Variants in VDAC1 observed in about 807,000 individuals in gnomAD.
The protein encoded by VDAC1 is voltage dependent anion channel 1.
VDAC1 carries 10 observed loss-of-function variants against 34.7 expected under a neutral mutation model. The ratio of observed to expected loss-of-function variants is 0.29; its 90% CI spans 0.18 to 0.49. The LOEUF (loss-of-function observed/expected upper bound fraction) is 0.49. Ranked by LOEUF, VDAC1 falls within the 20% of genes least tolerant of loss-of-function variation. The pLI, the probability that VDAC1 is intolerant of heterozygous loss-of-function variation, is 0.99. For missense variants in VDAC1, 230 were observed against 347.9 expected, an observed-to-expected ratio of 0.66 and a Z score of 2.69; for synonymous variants, 130 against 136.0, an observed-to-expected ratio of 0.96 and a Z score of 0.30.
At chr5:134,099,465 T>C in the VDAC1 span, among the ~76,000 whole-genome samples, 1 of 152,208 alleles carries the variant, frequency 6.6e-6, no homozygotes, top group Non-Finnish European at 1.5e-5. Context: ...CTGACCAGCC[T>C]GGCGCAGTCC....
chr5:134,042,976 G>A, the VDAC1 span, among the ~76,000 whole-genome samples: 1 of 152,236 alleles, frequency 6.6e-6, no homozygotes, highest in Non-Finnish European at 1.5e-5. Context: ...TGGGAGACAG[G>A]CTGGTGGAAA....
chr5:134,055,588 GTTTTTTTTTT>G, the VDAC1 span, among the ~76,000 whole-genome samples: 492 of 59,604 alleles, frequency 8.3e-3, 4 homozygotes, highest in African/African-American at 0.031. Flanking sequence ...CCCCGCTAAT[GTTTTTTTTTT>G]TTTTTTTTTT....
chr5:134,043,087 G>T, the VDAC1 span, among the ~76,000 whole-genome samples: 6 of 152,240 alleles, frequency 3.9e-5, no homozygotes, highest in Non-Finnish European at 4.4e-5. Flanking sequence ...CCTGCCAAGA[G>T]CCTCAGTGAA....
the VDAC1 span, chr5:134,082,066 G>C: frequency 6.5e-6 from 1 of 154,656 alleles, no homozygotes; most frequent in Non-Finnish European, 1.4e-5. Context: ...GGGTAGGGAG[G>C]GCATGAAGGG....
At chr5:134,072,546 A>C in the VDAC1 span, among the ~76,000 whole-genome samples, 1 of 152,190 alleles carries the variant, frequency 6.6e-6, no homozygotes, top group Non-Finnish European at 1.5e-5. Flanking sequence ...GGGGGAAAGG[A>C]CCAGGAGTTC....
chr5:133,993,630 G>A (rs1753188815), intron 1 of VDAC1, among the ~76,000 whole-genome samples: 2 of 152,168 alleles, frequency 1.3e-5, no homozygotes, highest in African/African-American at 4.8e-5. Context: ...AACCAGTTTG[G>A]CAGCTCTTCA....
chr5:134,032,567 T>G, the VDAC1 span, among the ~76,000 whole-genome samples: 1 of 152,110 alleles, frequency 6.6e-6, no homozygotes, highest in Non-Finnish European at 1.5e-5. Flanking sequence ...TGTCCATGCA[T>G]GGAAGAATGG....
chr5:134,022,067 C>T, the VDAC1 span, among the ~76,000 whole-genome samples: 5 of 151,884 alleles, frequency 3.3e-5, no homozygotes, highest in Non-Finnish European at 5.9e-5. Flanking sequence ...TTAGTAGAGA[C>T]GGGGTTTCTC....
chr5:134,001,301 T>C (rs1376659308), intron 1 of VDAC1, among the ~76,000 whole-genome samples: 1 of 152,110 alleles, frequency 6.6e-6, no homozygotes, highest in South Asian at 2.1e-4. Flanking sequence ...AAACACACTA[T>C]CTCTCTCCCA....
intron 1 of VDAC1, among the ~76,000 whole-genome samples, chr5:134,000,724 C>G (rs1753517304): frequency 6.6e-6 from 1 of 152,030 alleles, no homozygotes; most frequent in Admixed American, 6.6e-5. Context: ...GATGGCGTCA[C>G]TGTGAGGACT....
At chr5:133,997,707 CAAAAAAAA>C (rs67591375) in intron 1 of VDAC1, among the ~76,000 whole-genome samples, 3 of 58,358 alleles carry the variant, frequency 5.1e-5, no homozygotes, top group Admixed American at 2.4e-4. Flanking sequence ...GACTGTCTCA[CAAAAAAAA>C]AAAAAAAAAA....
chr5:134,008,166 G>A (rs1283407273), upstream of VDAC1, among the ~76,000 whole-genome samples: 1 of 73,778 alleles, frequency 1.4e-5, no homozygotes, highest in Non-Finnish European at 2.8e-5. Context: ...CCCGATCCCC[G>A]CCCCGCAGGG....
chr5:134,016,118 T>G, the VDAC1 span, among the ~76,000 whole-genome samples: 1 of 152,156 alleles, frequency 6.6e-6, no homozygotes, highest in Non-Finnish European at 1.5e-5. Context: ...CTCCAACTTT[T>G]AAAGGAGGCC....
the VDAC1 span, among the ~76,000 whole-genome samples, chr5:134,086,341 C>T: frequency 5.3e-5 from 8 of 152,296 alleles, no homozygotes; most frequent in East Asian, 9.7e-4. Flanking sequence ...GGGTAGGCAG[C>T]CCTTGGGAGA....
At chr5:134,047,353 G>A in the VDAC1 span, among the ~76,000 whole-genome samples, 1 of 152,088 alleles carries the variant, frequency 6.6e-6, no homozygotes, top group Non-Finnish European at 1.5e-5. Flanking sequence ...ACAGAGAGGG[G>A]GCCACTTCAG....
chr5:134,036,243 C>A, the VDAC1 span, among the ~76,000 whole-genome samples: 2 of 152,192 alleles, frequency 1.3e-5, no homozygotes, highest in Admixed American at 6.5e-5. Flanking sequence ...AAGTTAATAA[C>A]ACCTGAAAGG....
chr5:134,017,456 C>CA, the VDAC1 span, among the ~76,000 whole-genome samples: 287 of 151,444 alleles, frequency 1.9e-3, no homozygotes, highest in African/African-American at 6.6e-3. Flanking sequence ...AACTCCATCT[C>CA]AAAAAAAAGC....
chr5:134,049,822 T>C, the VDAC1 span, among the ~76,000 whole-genome samples: 26 of 152,202 alleles, frequency 1.7e-4, no homozygotes, highest in South Asian at 2.1e-3. Context: ...TTCAAGTGAT[T>C]GGCCCCACTT....
At chr5:134,039,391 C>T in the VDAC1 span, among the ~76,000 whole-genome samples, 5 of 152,152 alleles carry the variant, frequency 3.3e-5, no homozygotes, top group Non-Finnish European at 5.9e-5. Context: ...TGCAGTGGCG[C>T]AATCTCGGCT....
Sources: gnomAD v4.1 joint callset for allele counts (sites outside exome capture counted in the v4.1 genomes callset) on GRCh38, gnomAD v4.1.1 for gene constraint, MANE v1.5 for transcripts, NCBI Gene and HGNC (gene_info 2026-07-23, HGNC 2026-07-21) for gene names.